PKHD1: variants seen among roughly 807,000 people sequenced by gnomAD.
PKHD1 encodes PKHD1 ciliary IPT domain containing fibrocystin/polyductin, also known as fibrocystin.
A neutral mutation model predicts 412.0 loss-of-function variants in PKHD1; 291 were observed. The observed-to-expected ratio is 0.71, with a 90% CI of 0.64 to 0.78. The LOEUF (loss-of-function observed/expected upper bound fraction) is 0.78. Ranked by LOEUF, PKHD1 falls within the 30% of genes least tolerant of loss-of-function variation. The pLI is 0.00. For synonymous variants in PKHD1, 1,777 were observed against 1,821.5 expected (o/e 0.98, Z 0.62); for missense variants, 4,825 against 4,950.7 (o/e 0.97, Z 0.76).
chr6:51,747,003 C>T, intron 58 of PKHD1, 114 bp from the exon 59 acceptor site: 2 of 687,364 alleles, frequency 2.9e-6, no homozygotes, highest in Non-Finnish European at 4.9e-6. Context: ...TTAGTTAAAG[C>T]TATCCAGGAT....
At chr6:51,913,917 T>C (rs1195622024) in intron 37 of PKHD1, among the ~76,000 whole-genome samples, 2 of 152,074 alleles carry the variant, frequency 1.3e-5, no homozygotes, top group African/African-American at 2.4e-5. Context: ...CAAAAGAAAA[T>C]AATTTTAACT....
At position 52,064,861 on chromosome 6, in the gene PKHD1, T is replaced by C; in HGVS notation, c.976+94A>G. On this transcript the variant is annotated intron_variant, in intron 13 of 66. Coordinates refer to ENST00000371117, the MANE Select transcript of PKHD1 (RefSeq NM_138694.4). ...TCACTGAGTAAGCCAGTCAAATAGATGAGAAAGAATTCAAACACTTTTATT... is the reference window on the plus strand; with the variant it reads ...TCACTGAGTAAGCCAGTCAAATAGACGAGAAAGAATTCAAACACTTTTATT... 4.8e-6 allele frequency: 2 copies of C among 420,976 alleles called. 1 individual carries two copies. The allele number at this position is 420,976 out of a possible 1,614,324, so 26.1% of individuals were successfully genotyped here. A position where few individuals can be genotyped will look rare whatever the true frequency, so the allele number is the denominator to read the frequency against.
intron 56 of PKHD1, among the ~76,000 whole-genome samples, chr6:51,753,883 G>A (rs76051250): frequency 0.022 from 3,376 of 152,330 alleles, 62 homozygotes; most frequent in Middle Eastern, 0.071. Flanking sequence ...AGCTTCCACA[G>A]CAGTGGGAAC....
chr6:51,865,026 A>C (rs928488344), intron 48 of PKHD1, among the ~76,000 whole-genome samples: 3 of 152,182 alleles, frequency 2.0e-5, no homozygotes, highest in African/African-American at 4.8e-5. Flanking sequence ...AAAAACTGTC[A>C]CTGGCATGTG....
rs141384205 is a variant in PKHD1 at position 52,056,716 on chromosome 6, G to A, written c.1675C>T (p.Arg559Trp). 5.0e-4 allele frequency: 809 copies of A among 1,612,744 alleles called. 4 individuals are homozygous for A. In the East Asian group the frequency reaches 0.017, roughly 34 times the overall value. ...LEPLWSNILLRLGFERGPEVS... is the reference protein window; with the variant it reads ...LEPLWSNILLWLGFERGPEVS... The stretch of plus-strand genomic sequence containing the variant: ...ACAGCACCTCGTTCAAATCCAAGCC[G>A]GAGAAGGATGTTAGACCAAAGGGGT... The change falls in exon 18 of 67, where the codon CGG (arginine) becomes TGG (tryptophan). Residue 559 changes from arginine to tryptophan, a missense_variant. Coordinates refer to ENST00000371117, the MANE Select transcript of PKHD1 (RefSeq NM_138694.4).
chr6:51,983,845 G>C (rs192479526), intron 35 of PKHD1, among the ~76,000 whole-genome samples: 311 of 152,296 alleles, frequency 2.0e-3, no homozygotes, highest in African/African-American at 6.9e-3. Flanking sequence ...AGGGCCTAAC[G>C]GTGTGTTTAT....
At chr6:51,779,144 T>A (rs1284662367) in intron 53 of PKHD1, among the ~76,000 whole-genome samples, 1 of 152,150 alleles carries the variant, frequency 6.6e-6, no homozygotes, top group African/African-American at 2.4e-5. Flanking sequence ...TTATTTATAA[T>A]TGGCAACATT....
At chr6:51,742,147 T>C (rs1027189156) in intron 60 of PKHD1, among the ~76,000 whole-genome samples, 1 of 152,204 alleles carries the variant, frequency 6.6e-6, no homozygotes, top group African/African-American at 2.4e-5. Flanking sequence ...GCTACCCACA[T>C]ATTTTCTCAG....
At chr6:51,645,428 T>C (rs1769966505) in intron 63 of PKHD1, among the ~76,000 whole-genome samples, 3 of 152,208 alleles carry the variant, frequency 2.0e-5, no homozygotes, top group Non-Finnish European at 2.9e-5. Flanking sequence ...AGTCTTGCTC[T>C]GTCACCCAGG....
At chr6:51,691,826 T>C (rs1280043314) in intron 60 of PKHD1, among the ~76,000 whole-genome samples, 5 of 152,154 alleles carry the variant, frequency 3.3e-5, no homozygotes, top group African/African-American at 1.2e-4. Context: ...AAAGTGGGAT[T>C]CGATTAAGTA....
chr6:51,706,522 G>T (rs1350592453), intron 60 of PKHD1, among the ~76,000 whole-genome samples: 1 of 151,478 alleles, frequency 6.6e-6, no homozygotes, highest in Non-Finnish European at 1.5e-5. Flanking sequence ...AAAGAGGGAG[G>T]TGAAAGAGGG....
chr6:51,910,253 A>G (rs1317142100), intron 39 of PKHD1, among the ~76,000 whole-genome samples: 2 of 152,134 alleles, frequency 1.3e-5, no homozygotes, highest in African/African-American at 4.8e-5. Flanking sequence ...ACTAATCTGG[A>G]GAATAAATCA....
At chr6:52,067,882 T>C (rs1809990190) in intron 11 of PKHD1, among the ~76,000 whole-genome samples, 3 of 152,078 alleles carry the variant, frequency 2.0e-5, no homozygotes, top group Non-Finnish European at 2.9e-5. Context: ...ATGCATCAGA[T>C]ATATGCTTGA....
At chr6:51,761,035 TA>T (rs796478344) in intron 55 of PKHD1, among the ~76,000 whole-genome samples, 15 of 152,068 alleles carry the variant, frequency 9.9e-5, no homozygotes, top group Non-Finnish European at 2.2e-4. Context: ...GGGTCCTCAA[TA>T]ATTAAAAATA....
intron 49 of PKHD1, among the ~76,000 whole-genome samples, chr6:51,853,555 A>G (rs1772713566): frequency 6.6e-6 from 1 of 152,050 alleles, no homozygotes; most frequent in South Asian, 2.1e-4. Context: ...TCCTTCTGGT[A>G]CTCCAATCAA....
intron 60 of PKHD1, among the ~76,000 whole-genome samples, chr6:51,705,832 A>G (rs1779954892): frequency 6.6e-6 from 1 of 152,170 alleles, no homozygotes; most frequent in Non-Finnish European, 1.5e-5. Context: ...TGCCTGCTTC[A>G]TGGTCATGGG....
chr6:51,895,788 G>A (rs1004746046), intron 43 of PKHD1, among the ~76,000 whole-genome samples: 3 of 152,022 alleles, frequency 2.0e-5, no homozygotes, highest in Non-Finnish European at 2.9e-5. Context: ...GCCAGACAGT[G>A]GGCGCAGGTC....
At chr6:51,757,082 C>G (rs1787146086) in intron 55 of PKHD1, among the ~76,000 whole-genome samples, 1 of 152,150 alleles carries the variant, frequency 6.6e-6, no homozygotes, top group Admixed American at 6.6e-5. Context: ...CCTTGCCCAC[C>G]ACTCACTTCC....
intron 64 of PKHD1, among the ~76,000 whole-genome samples, 182 bp from the exon 65 acceptor site, chr6:51,632,905 C>T (rs973307181): frequency 2.0e-5 from 3 of 152,202 alleles, no homozygotes; most frequent in African/African-American, 7.2e-5. Context: ...TAGAGAATCA[C>T]AAGATTCCAA....
Sources: allele counts gnomAD v4.1 joint callset (sites outside exome capture counted in the v4.1 genomes callset), GRCh38; gene constraint gnomAD v4.1.1; transcripts MANE v1.5; gene names NCBI Gene and HGNC (gene_info 2026-07-23, HGNC 2026-07-21).